Variants in AGAP1 observed in about 807,000 individuals in gnomAD.
AGAP1 encodes the protein arf-GAP with GTPase, ANK repeat and PH domain-containing protein 1.
A neutral mutation model predicts 105.3 loss-of-function variants in AGAP1; 29 were observed. The ratio of observed to expected loss-of-function variants is 0.28; its 90% confidence interval spans 0.21 to 0.38. AGAP1 has a LOEUF of 0.38. Among genes scored for constraint, AGAP1 ranks in the 10% least tolerant of loss-of-function variants. The pLI is 1.00. For missense variants in AGAP1, 998 were observed against 1,165.1 expected, an observed-to-expected ratio of 0.86 and a Z score of 2.09; for synonymous variants, 509 against 485.9, an observed-to-expected ratio of 1.05 and a Z score of -0.63.
intron 2 of AGAP1, 105 bp downstream of exon 2, chr2:235,709,342 G>A: frequency 1.5e-6 from 2 of 1,290,366 alleles, no homozygotes; most frequent in Non-Finnish European, 2.2e-6. Flanking sequence ...GCCCAGAGTG[G>A]AAGTGTGACT....
intron 1 of AGAP1, among the ~76,000 whole-genome samples, chr2:235,502,935 A>ATTTAGCTT (rs1402235292): frequency 2.3e-5 from 2 of 85,316 alleles, no homozygotes; most frequent in Non-Finnish European, 5.5e-5. Flanking sequence ...TTTAGAAAGT[A>ATTTAGCTT]CATTTAGCTT....
chr2:235,572,002 A>ACT (rs1661738772), intron 1 of AGAP1, among the ~76,000 whole-genome samples: 1 of 115,292 alleles, frequency 8.7e-6, no homozygotes, highest in African/African-American at 3.9e-5. Context: ...ACACACACAC[A>ACT]CTTTTTTTTT....
chr2:236,039,791 G>A (rs1000024423), intron 14 of AGAP1, among the ~76,000 whole-genome samples: 2 of 152,206 alleles, frequency 1.3e-5, no homozygotes, highest in African/African-American at 4.8e-5. Flanking sequence ...TGTGTATGTA[G>A]ATGTGCTTAA....
intron 1 of AGAP1, among the ~76,000 whole-genome samples, chr2:235,667,638 G>C (rs1342022843): frequency 6.6e-6 from 1 of 152,090 alleles, no homozygotes; most frequent in African/African-American, 2.4e-5. Flanking sequence ...TGCTACTCTA[G>C]AAGTTGGGGG....
In AGAP1 at chr2:235,906,553, C is replaced by T. The variant is rs1274539136; in HGVS notation, c.1156-2185C>T. 1.3e-5 allele frequency among the ~76,000 whole-genome samples: 2 copies of T among 152,170 alleles called. No homozygotes were observed. On this transcript the variant is annotated intron_variant, in intron 10 of 17. Transcript: ENST00000304032. The surrounding 1 kb of genome is among the most constrained non-coding windows in gnomAD (Gnocchi z 5.3). ...TGTGCCCTCATGTAAAGAGGTTCTC[C>T]TCCCGCCCGTCCTGCCGTTGAGAAT...
At chr2:235,576,563 G>A (rs988626826) in intron 1 of AGAP1, among the ~76,000 whole-genome samples, 1 of 152,216 alleles carries the variant, frequency 6.6e-6, no homozygotes, top group African/African-American at 2.4e-5. Context: ...TTTGTTGCAG[G>A]TATTGGTTGA....
intron 12 of AGAP1, among the ~76,000 whole-genome samples, chr2:235,933,783 G>A (rs1015624192): frequency 6.6e-6 from 1 of 151,806 alleles, no homozygotes. Flanking sequence ...TGCCCGCCTT[G>A]GCCTCCCAAA....
intron 1 of AGAP1, among the ~76,000 whole-genome samples, chr2:235,672,545 A>G (rs1053874907): frequency 6.6e-6 from 1 of 152,260 alleles, no homozygotes; most frequent in African/African-American, 2.4e-5. Flanking sequence ...TTAAAATATG[A>G]GAACATGATG....
intron 10 of AGAP1, among the ~76,000 whole-genome samples, chr2:235,894,892 G>A (rs756423687): frequency 6.6e-6 from 1 of 152,214 alleles, no homozygotes; most frequent in Non-Finnish European, 1.5e-5. Flanking sequence ...TGGTTCCAAC[G>A]TGGCTTTGTG....
At chr2:235,514,155 C>CGT (rs879667826) in intron 1 of AGAP1, among the ~76,000 whole-genome samples, 25 of 65,646 alleles carry the variant, frequency 3.8e-4, no homozygotes, top group Admixed American at 2.7e-3. Context: ...CATGCGCGTG[C>CGT]GCGCGCGCAC....
At position 236,089,249 on chromosome 2, in the gene AGAP1, A is replaced by G. The variant is rs2059002562; in HGVS notation, c.2115-30943A>G. Among the ~76,000 whole-genome samples, 1 of 152,238 alleles carries G rather than the reference A, an allele frequency of 6.6e-6. No homozygotes were observed. Among genetic ancestry groups the G allele is most frequent in the Admixed American group, 6.5e-5 (1 of 15,282 alleles). On this transcript the variant is annotated intron_variant, in intron 16 of 17. Transcript: ENST00000304032. This position sits in a 1 kb window ranked among gnomAD's most constrained non-coding sequence, Gnocchi z 5.6. ...TCCCCAAGAAAAAATAAAAAGTTAA[A>G]GTCAGTCTAGTCAATTGCTTTAACA...
rs532683631 is a variant in AGAP1 at position 235,725,387 on chromosome 2, G to A, written c.310+7743G>A. On this transcript the variant is annotated intron_variant, in intron 3 of 17. Coordinates refer to ENST00000304032, the MANE Select transcript of AGAP1 (RefSeq NM_001037131.3). The surrounding 1 kb of genome is among the most constrained non-coding windows in gnomAD (Gnocchi z 5.7). ...CACATGAAGTGTGTTTAAGCTGTCAGCTCCAAAAACCCTTTCCAAGTCAAA... is the reference window on the plus strand; with the variant it reads ...CACATGAAGTGTGTTTAAGCTGTCAACTCCAAAAACCCTTTCCAAGTCAAA... Among the ~76,000 whole-genome samples the A allele has an allele frequency of 6.6e-6, 1 of 152,056 alleles. No homozygotes were observed. The highest frequency in any genetic ancestry group is 2.4e-5 in the African/African-American group (1 of 41,468).
intron 13 of AGAP1, among the ~76,000 whole-genome samples, chr2:235,978,179 G>A (rs1195901430): frequency 8.5e-5 from 13 of 152,154 alleles, no homozygotes; most frequent in African/African-American, 3.1e-4. Flanking sequence ...GGTGGGGTGA[G>A]GAATTAGAGC....
Position 235,701,480 on chromosome 2 carries a change from G to C in AGAP1, c.164-7699G>C, listed in dbSNP as rs971652150. The stretch of plus-strand genomic sequence containing the variant: ...GTGAATGGCAAGGTCAGGGGATGCT[G>C]TCCGGACATGTCAGGATGGGAAACT... On this transcript the variant is annotated intron_variant, in intron 1 of 17. Coordinates refer to ENST00000304032, the MANE Select transcript of AGAP1 (RefSeq NM_001037131.3). This position sits in a 1 kb window ranked among gnomAD's most constrained non-coding sequence, Gnocchi z 4.1. Among the ~76,000 whole-genome samples the C allele has an allele frequency of 2.6e-5, 4 of 152,174 alleles. No homozygotes were observed. Among genetic ancestry groups the C allele is most frequent in the Non-Finnish European group, 5.9e-5 (4 of 68,034 alleles).
Position 235,883,588 on chromosome 2 carries a change from A to G in AGAP1, c.1155+139A>G. ...ATTTGGTCTCCTGCTCAACTGTGAG[A>G]TAAATAACCCTGTTCCTCACACTCC... On this transcript the variant is annotated intron_variant, in intron 10 of 17. Transcript: ENST00000304032. This position sits in a 1 kb window ranked among gnomAD's most constrained non-coding sequence, Gnocchi z 4.5. 1 of 649,826 alleles carries G rather than the reference A, an allele frequency of 1.5e-6. No individual in the cohort carries two copies. The highest frequency in any genetic ancestry group is 2.8e-5 in the Admixed American group (1 of 35,576). 40.3% of individuals were successfully genotyped at this position (649,826 alleles called of 1,614,324 possible). A position where few individuals can be genotyped will look rare whatever the true frequency, so the allele number is the denominator to read the frequency against.
intron 16 of AGAP1, among the ~76,000 whole-genome samples, chr2:236,068,738 T>G (rs369494431): frequency 1.2e-4 from 17 of 142,836 alleles, no homozygotes; most frequent in African/African-American, 4.0e-4. Context: ...AGGCAGAGCT[T>G]GCAGTGAGCC....
intron 16 of AGAP1, among the ~76,000 whole-genome samples, chr2:236,111,985 G>T (rs2059656787): frequency 2.0e-5 from 3 of 152,144 alleles, no homozygotes; most frequent in Admixed American, 6.5e-5. Context: ...TCTCCAGTGG[G>T]CACTGCAGTG....
chr2:236,092,434 C>G lies in AGAP1; in HGVS notation c.2115-27758C>G, dbSNP rs1242293125. Among the ~76,000 whole-genome samples, 1 of 151,960 alleles carries G rather than the reference C, an allele frequency of 6.6e-6. No homozygotes were observed. The highest frequency in any genetic ancestry group is 2.4e-5 in the African/African-American group (1 of 41,354). On this transcript the variant is annotated intron_variant, in intron 16 of 17. Transcript: ENST00000304032. The surrounding 1 kb of genome is among the most constrained non-coding windows in gnomAD (Gnocchi z 4.7). ...TTGTGACAGAGTCTCGCTCTGTCAC[C>G]CAGGCTGGAGTGTAGTGGTGCAGTC...
At chr2:235,869,646 G>C (rs764858701) in intron 9 of AGAP1, among the ~76,000 whole-genome samples, 11 of 152,276 alleles carry the variant, frequency 7.2e-5, no homozygotes, top group Middle Eastern at 3.4e-3. Context: ...TCATGATTCT[G>C]TGGGTCAGGA....
Sources: allele counts gnomAD v4.1 joint callset (sites outside exome capture counted in the v4.1 genomes callset), GRCh38; gene constraint gnomAD v4.1.1; non-coding constraint Gnocchi (gnomAD v3.1); transcripts MANE v1.5; gene names NCBI Gene and HGNC (gene_info 2026-07-23, HGNC 2026-07-21).